NPHP4: variants seen among roughly 807,000 people sequenced by gnomAD.
The protein encoded by NPHP4 is nephrocystin-4.
In NPHP4, 151 loss-of-function variants were observed where a neutral mutation model predicts 155.8. The ratio of observed to expected loss-of-function variants is 0.97; its 90% CI spans 0.85 to 1.11. The LOEUF (loss-of-function observed/expected upper bound fraction) is 1.11. Among genes scored for constraint, NPHP4 ranks in the 50% least tolerant of loss-of-function variants. The probability of loss-of-function intolerance (pLI) is 0.00; values close to 1 mark genes in which losing one functional copy is unlikely to be tolerated. For missense variants in NPHP4, 1,956 were observed against 1,925.7 expected, an observed-to-expected ratio of 1.02 and a Z score of -0.29; for synonymous variants, 845 against 816.8, an observed-to-expected ratio of 1.03 and a Z score of -0.59.
At chr1:5,864,773 C>T in intron 27 of NPHP4, 1 of 541,202 alleles carries the variant, frequency 1.8e-6, no homozygotes, top group Non-Finnish European at 3.3e-6. Context: ...CCATCTTGGG[C>T]TTAAAACCCC....
At chr1:5,868,045 G>A (rs1316723494) in intron 23 of NPHP4, 149 bp from the exon 24 acceptor site, 1 of 855,384 alleles carries the variant, frequency 1.2e-6, no homozygotes, top group Non-Finnish European at 2.0e-6. Flanking sequence ...CATCGTCAAA[G>A]GCAGGGACTG....
chr1:5,868,090 C>T (rs986398318), intron 23 of NPHP4, 194 bp from the exon 24 acceptor site: 17 of 725,226 alleles, frequency 2.3e-5, no homozygotes, highest in Admixed American at 1.0e-4. Context: ...AGGAGGGGAC[C>T]GCTAAGCAAG....
At position 5,882,352 on chromosome 1, in the gene NPHP4, CGCGCTTACCCAGCCATCTCTCAGTGGT is replaced by C. The variant is rs1557642914; in HGVS notation, c.2486-2140_2486-2114del. The C allele has an allele frequency of 1.1e-4, 16 of 149,916 alleles. No individual in the cohort carries two copies. Among genetic ancestry groups the C allele is most frequent in the Admixed American group, 2.0e-4 (3 of 14,994 alleles). The allele number at this position is 149,916 out of a possible 1,614,324, so 9.3% of individuals were successfully genotyped here. On this transcript the variant is annotated intron_variant, in intron 18 of 29. Coordinates refer to ENST00000378156, the MANE Select transcript of NPHP4 (RefSeq NM_015102.5). The surrounding 1 kb of genome is among the most constrained non-coding windows in gnomAD (Gnocchi z 5.1). Reference sequence around the variant, plus strand: ...CGCTTACCCAGCCATCTCTCAGTGACGCGCTTACCCAGCCATCTCTCAGTGGTGCGCTTACCCAGCCATCTCTTTCCA... The same window carrying C: ...CGCTTACCCAGCCATCTCTCAGTGACGCGCTTACCCAGCCATCTCTTTCCA...
chr1:5,879,868 C>G (rs1236892609), intron 19 of NPHP4, among the ~76,000 whole-genome samples: 1 of 151,394 alleles, frequency 6.6e-6, no homozygotes, highest in Non-Finnish European at 1.5e-5. Flanking sequence ...CACGCACACA[C>G]ACATGCACAC....
chr1:5,879,574 A>C, intron 19 of NPHP4: 1 of 518,994 alleles, frequency 1.9e-6, no homozygotes, highest in Non-Finnish European at 3.8e-6. Context: ...AACCAGACAC[A>C]AATGCCACTG....
chr1:5,863,029 A>G lies in NPHP4; in HGVS notation c.*236T>C. Reference sequence around the variant, plus strand: ...CAGCACCAGAGCCAGACCCACCACCACGGAGTTCGCGCTCACGGAACCCAG... The same window carrying G: ...CAGCACCAGAGCCAGACCCACCACCGCGGAGTTCGCGCTCACGGAACCCAG... On this transcript the variant is annotated 3_prime_UTR_variant, in exon 30 of 30. Transcript: ENST00000378156. The G allele has an allele frequency of 1.8e-6, 1 of 567,986 alleles. No individual in the cohort carries two copies. The highest frequency in any genetic ancestry group is 2.9e-5 in the East Asian group (1 of 34,062). The allele number at this position is 567,986 out of a possible 1,614,324, so 35.2% of individuals were successfully genotyped here. A position where few individuals can be genotyped will look rare whatever the true frequency, so the allele number is the denominator to read the frequency against.
intron 9 of NPHP4, among the ~76,000 whole-genome samples, chr1:5,934,274 C>T (rs12118405): frequency 0.019 from 2,940 of 152,224 alleles, 46 homozygotes; most frequent in Middle Eastern, 0.044. Context: ...GGGGTACAGG[C>T]AACAGCGGGT....
In NPHP4 at chr1:5,864,416, G is replaced by A; in HGVS notation, c.3918C>T (p.Asn1306=). Residue 1306 remains asparagine, a synonymous_variant, in exon 28 of 30, where the codon AAC becomes AAT. Transcript: ENST00000378156. ...LRAGSRFVHL[N]LVDVDCHQLV... Reference sequence around the variant, plus strand: ...GCTGGTGGCAATCCACGTCCACCAGGTTGAGATGGACAAAGCGGCTGCCGG... The same window carrying A: ...GCTGGTGGCAATCCACGTCCACCAGATTGAGATGGACAAAGCGGCTGCCGG... 1 of 1,611,888 alleles carries A rather than the reference G, an allele frequency of 6.2e-7. No individual in the cohort carries two copies. The highest frequency in any genetic ancestry group is 8.5e-7 in the Non-Finnish European group (1 of 1,179,246).
chr1:5,888,760 C>A, intron 17 of NPHP4: 1 of 468,898 alleles, frequency 2.1e-6, no homozygotes. Context: ...ACTGTGAAGC[C>A]AAGGACATGG....
intron 10 of NPHP4, among the ~76,000 whole-genome samples, chr1:5,931,745 A>C (rs1017432464): frequency 2.6e-5 from 4 of 151,584 alleles, no homozygotes; most frequent in African/African-American, 7.3e-5. Flanking sequence ...AAAAAAAAAA[A>C]AAAAAAAAAA....
At chr1:5,939,562 C>T (rs540010025) in intron 9 of NPHP4, among the ~76,000 whole-genome samples, 11 of 152,250 alleles carry the variant, frequency 7.2e-5, no homozygotes, top group Admixed American at 1.3e-4. Flanking sequence ...CTTCTCACCC[C>T]AGCTCCACTT....
intron 9 of NPHP4, among the ~76,000 whole-genome samples, chr1:5,941,384 C>G (rs1646809152): frequency 2.0e-5 from 3 of 149,074 alleles, no homozygotes. Flanking sequence ...CGAAGAAAGG[C>G]TTTTTCCCTG....
At chr1:5,949,343 TACAC>T (rs140032819) in intron 7 of NPHP4, among the ~76,000 whole-genome samples, 9 of 140,782 alleles carry the variant, frequency 6.4e-5, no homozygotes, top group African/African-American at 2.4e-4. Flanking sequence ...TTCACATACA[TACAC>T]ACACACACAC....
chr1:5,968,536 G>T lies in NPHP4; in HGVS notation c.452+551C>A, dbSNP rs578230032. Among the ~76,000 whole-genome samples the T allele has an allele frequency of 3.3e-5, 5 of 152,098 alleles. No individual in the cohort carries two copies. In the East Asian group the frequency reaches 7.8e-4, roughly 24 times the overall value. ...GGAATCGCTTGAGGCTGGAGGCGGA[G>T]GTGGCAGTGAGCCAATGTTGCACCA... On this transcript the variant is annotated intron_variant, in intron 4 of 29. Coordinates refer to ENST00000378156, the MANE Select transcript of NPHP4 (RefSeq NM_015102.5).
rs1180029312 is a variant in NPHP4, at chr1:5,865,073, G to C, written c.3816+29C>G. 3.1e-6 allele frequency: 5 copies of C among 1,608,284 alleles called. 1 individual carries two copies. The highest frequency in any genetic ancestry group is 1.7e-4 in the Middle Eastern group (1 of 5,874). On this transcript the variant is annotated intron_variant, in intron 27 of 29. Transcript: ENST00000378156. ...GTCTCCAGGCTGGGGTTGGGGAGAG[G>C]CTCAGAACAGCCCCCAGAGAGGCCG...
chr1:5,866,069 G>A (rs1249932453), intron 26 of NPHP4: 2 of 439,782 alleles, frequency 4.5e-6, no homozygotes, highest in Non-Finnish European at 8.5e-6. Context: ...GCAAGAAAAA[G>A]GTAATGAGGG....
chr1:5,896,412 GACAGAGGCCAA>G (rs1644398666), intron 16 of NPHP4, among the ~76,000 whole-genome samples: 2 of 152,184 alleles, frequency 1.3e-5, no homozygotes, highest in Non-Finnish European at 2.9e-5. Flanking sequence ...CCCTCGGTGG[GACAGAGGCCAA>G]AAGGAGCTGC....
intron 27 of NPHP4, 143 bp downstream of exon 27, chr1:5,864,959 G>A (rs1045450866): frequency 1.3e-6 from 1 of 753,276 alleles, no homozygotes; most frequent in South Asian, 1.7e-5. Flanking sequence ...CTGCCGAGAG[G>A]CCTCTGGTAA....
At chr1:5,975,582 G>A (rs1375830152) in intron 3 of NPHP4, among the ~76,000 whole-genome samples, 3 of 152,184 alleles carry the variant, frequency 2.0e-5, no homozygotes, top group Non-Finnish European at 2.9e-5. Context: ...AACAGGAGAC[G>A]CACCCAGATG....
Sources: gnomAD v4.1 joint callset for allele counts (sites outside exome capture counted in the v4.1 genomes callset) on GRCh38, gnomAD v4.1.1 for gene constraint, Gnocchi (gnomAD v3.1) non-coding constraint, MANE v1.5 for transcripts, NCBI Gene and HGNC (gene_info 2026-07-23, HGNC 2026-07-21) for gene names.